ZNF385D: variants seen among roughly 807,000 people sequenced by gnomAD.
ZNF385D encodes zinc finger protein 659.
In ZNF385D, 15 loss-of-function variants were observed where a neutral mutation model predicts 35.8. That is an observed-to-expected ratio of 0.42 (90% CI 0.28 to 0.64). ZNF385D has a LOEUF of 0.64. Ranked by LOEUF, ZNF385D falls within the 30% of genes least tolerant of loss-of-function variation. ZNF385D has a pLI of 0.23. For missense variants in ZNF385D, 474 were observed against 494.6 expected (o/e 0.96, Z 0.39); for synonymous variants, 212 against 186.8 (o/e 1.13, Z -1.10).
intron 1 of ZNF385D, among the ~76,000 whole-genome samples, chr3:21,735,081 C>A (rs986159521): frequency 6.7e-6 from 1 of 150,006 alleles, no homozygotes; most frequent in Non-Finnish European, 1.5e-5. Flanking sequence ...TTAGACTCTG[C>A]CGAGTGCAGA....
chr3:22,216,476 T>G lies in ZNF385D; in HGVS notation c.107-47441A>C, dbSNP rs545129584. On this transcript the variant is annotated intron_variant, in intron 2 of 5. Transcript: ENST00000494108. Reference sequence around the variant, plus strand: ...ACTAGGTCTATTAAAATAACTAGCGTTCTTCATGAAAGCTAAGAGTGAGGA... The same window carrying G: ...ACTAGGTCTATTAAAATAACTAGCGGTCTTCATGAAAGCTAAGAGTGAGGA... 1.5e-4 allele frequency among the ~76,000 whole-genome samples: 23 copies of G among 152,172 alleles called. No homozygotes were observed. The South Asian group carries it at 4.8e-3, about 32-fold the overall frequency.
intron 3 of ZNF385D, among the ~76,000 whole-genome samples, chr3:21,975,994 C>T (rs886885701): frequency 6.6e-6 from 1 of 152,006 alleles, no homozygotes; most frequent in Non-Finnish European, 1.5e-5. Flanking sequence ...GGAGACCAGA[C>T]TTCTACTTCA....
intron 2 of ZNF385D, among the ~76,000 whole-genome samples, chr3:21,659,570 A>G (rs761249316): frequency 5.3e-5 from 8 of 152,216 alleles, no homozygotes; most frequent in Non-Finnish European, 1.2e-4. Context: ...TCTGGAAGCT[A>G]AAATATAACC....
At chr3:22,258,622 T>G (rs1700440879) in intron 2 of ZNF385D, among the ~76,000 whole-genome samples, 1 of 151,724 alleles carries the variant, frequency 6.6e-6, no homozygotes, top group Admixed American at 6.6e-5. Context: ...CTTTTTGGTC[T>G]CAGAACTCCT....
chr3:22,217,328 G>C (rs1697951545), intron 2 of ZNF385D, among the ~76,000 whole-genome samples: 1 of 151,980 alleles, frequency 6.6e-6, no homozygotes, highest in African/African-American at 2.4e-5. Flanking sequence ...GACCCTCTGT[G>C]GTGTGCCCTG....
At chr3:21,450,526 G>A (rs1702396374) in intron 4 of ZNF385D, among the ~76,000 whole-genome samples, 1 of 152,122 alleles carries the variant, frequency 6.6e-6, no homozygotes, top group South Asian at 2.1e-4. Flanking sequence ...AAGTGATGAA[G>A]GATTGGGCAG....
chr3:21,733,898 A>G (rs1422768405), intron 1 of ZNF385D, among the ~76,000 whole-genome samples: 1 of 152,166 alleles, frequency 6.6e-6, no homozygotes, highest in East Asian at 1.9e-4. Context: ...CCCCATATAT[A>G]AAAGTATTGA....
chr3:21,768,286 C>A (rs1273124585), intron 3 of ZNF385D, among the ~76,000 whole-genome samples: 3 of 151,982 alleles, frequency 2.0e-5, no homozygotes, highest in African/African-American at 7.2e-5. Flanking sequence ...ATTAATCATA[C>A]CTTAACAGCA....
intron 3 of ZNF385D, among the ~76,000 whole-genome samples, chr3:21,536,934 A>G (rs952492961): frequency 1.3e-5 from 2 of 151,852 alleles, no homozygotes; most frequent in Non-Finnish European, 2.9e-5. Context: ...GGAAAGAGTG[A>G]GCCTGGTGCA....
At chr3:22,047,387 C>A (rs1699067461) in intron 3 of ZNF385D, among the ~76,000 whole-genome samples, 1 of 152,046 alleles carries the variant, frequency 6.6e-6, no homozygotes, top group Admixed American at 6.6e-5. Flanking sequence ...TGCATTCTTT[C>A]ACCAATATCC....
At chr3:21,602,466 T>C (rs565518223) in intron 2 of ZNF385D, among the ~76,000 whole-genome samples, 1 of 150,784 alleles carries the variant, frequency 6.6e-6, no homozygotes, top group East Asian at 2.0e-4. Flanking sequence ...TAGCGCAGGG[T>C]TAGTAGCAAA....
intron 3 of ZNF385D, among the ~76,000 whole-genome samples, chr3:21,772,535 A>AT (rs1449873229): frequency 6.6e-6 from 1 of 151,968 alleles, no homozygotes; most frequent in Non-Finnish European, 1.5e-5. Flanking sequence ...TTTCACATGC[A>AT]TTACAGTGGG....
At chr3:22,219,102 A>G (rs1186807431) in intron 2 of ZNF385D, among the ~76,000 whole-genome samples, 1 of 152,122 alleles carries the variant, frequency 6.6e-6, no homozygotes, top group African/African-American at 2.4e-5. Flanking sequence ...TATGGTGACG[A>G]TCTGTTACTT....
At chr3:22,273,981 A>G (rs2125366861) in intron 2 of ZNF385D, among the ~76,000 whole-genome samples, 1 of 152,194 alleles carries the variant, frequency 6.6e-6, no homozygotes, top group South Asian at 2.1e-4. Flanking sequence ...TTAGCAAAGT[A>G]TATTCTGGTA....
At chr3:21,653,414 T>C (rs1052375335) in intron 2 of ZNF385D, among the ~76,000 whole-genome samples, 1 of 152,084 alleles carries the variant, frequency 6.6e-6, no homozygotes, top group Non-Finnish European at 1.5e-5. Flanking sequence ...GATACACATA[T>C]GTAAGAAAGA....
At chr3:22,340,918 T>C (rs1351938168) in intron 2 of ZNF385D, among the ~76,000 whole-genome samples, 1 of 152,210 alleles carries the variant, frequency 6.6e-6, no homozygotes, top group East Asian at 1.9e-4. Flanking sequence ...CCAGGACATC[T>C]TTCCTTTGTA....
intron 2 of ZNF385D, among the ~76,000 whole-genome samples, chr3:22,365,029 TTAAAG>T (rs1696588660): frequency 6.6e-6 from 1 of 152,068 alleles, no homozygotes; most frequent in South Asian, 2.1e-4. Context: ...CATGAGGTAC[TTAAAG>T]TAATCAAAAT....
intron 3 of ZNF385D, among the ~76,000 whole-genome samples, chr3:21,837,797 G>C (rs1390496776): frequency 2.0e-5 from 3 of 151,452 alleles, no homozygotes; most frequent in Non-Finnish European, 4.4e-5. Context: ...GCTTGAACCC[G>C]AGAGGTGGAG....
rs1006334068 is a variant in ZNF385D at position 22,091,762 on chromosome 3, T to C, written c.325+77055A>G. On this transcript the variant is annotated intron_variant, in intron 3 of 5. Transcript: ENST00000494108. ...AAATCTTTCAAGACTAAGAAGTCTA[T>C]TTTCTCTTTGCCTGTTATATGCATG... Among the ~76,000 whole-genome samples, 4 of 152,210 alleles carry C rather than the reference T, an allele frequency of 2.6e-5. No individual in the cohort carries two copies. In the East Asian group the frequency reaches 7.7e-4, roughly 29 times the overall value.
Sources: allele counts gnomAD v4.1 joint callset (sites outside exome capture counted in the v4.1 genomes callset), GRCh38; gene constraint gnomAD v4.1.1; transcripts MANE v1.5; gene names NCBI Gene and HGNC (gene_info 2026-07-23, HGNC 2026-07-21).